RNF213: variants seen among roughly 807,000 people sequenced by gnomAD.
RNF213 encodes the protein E3 ubiquitin-protein ligase RNF213.
RNF213 carries 341 observed loss-of-function variants against 514.4 expected under a neutral mutation model. The observed-to-expected ratio is 0.66, with a 90% CI of 0.61 to 0.73. RNF213 has a LOEUF of 0.73. RNF213 is among the 30% of genes least tolerant of loss of function. The probability of loss-of-function intolerance (pLI) is 0.00; values close to 1 mark genes in which losing one functional copy is unlikely to be tolerated. For missense variants in RNF213, 5,767 were observed against 6,615.6 expected, an observed-to-expected ratio of 0.87 and a Z score of 4.45; for synonymous variants, 2,655 against 2,658.2, an observed-to-expected ratio of 1.00 and a Z score of 0.04.
In RNF213 at chr17:80,345,679, G is replaced by A. The variant is rs1218482292; in HGVS notation, c.7344G>A (p.Leu2448=). The A allele has an allele frequency of 3.7e-6, 6 of 1,614,224 alleles. No homozygotes were observed. In the Admixed American group the frequency reaches 1.0e-4, roughly 27 times the overall value. ...GTACCAATGCTGACACCATAAAGCT[G>A]GTCAAGGTGCACGGAGGAACAACTG... ...RGGTNADTIK[L]VKVHGGTTAD... is the part of the protein sequence containing the mutation. The change falls in exon 29 of 68, where the codon CTG becomes CTA. Residue 2448 remains leucine, a synonymous_variant. Transcript: ENST00000582970. The surrounding 1 kb of genome is among the most constrained non-coding windows in gnomAD (Gnocchi z 6.0).
At chr17:80,283,468 C>T (rs995856231) in intron 3 of RNF213, among the ~76,000 whole-genome samples, 5 of 152,198 alleles carry the variant, frequency 3.3e-5, no homozygotes, top group Non-Finnish European at 5.9e-5. Context: ...TGCGTCTGCG[C>T]TTACTGCAGT....
chr17:80,383,097 T>C (rs751238748), intron 58 of RNF213, 27 bp downstream of exon 58: 28 of 1,546,556 alleles, frequency 1.8e-5, no homozygotes, highest in Non-Finnish European at 2.5e-5. Context: ...GACAGCTGGG[T>C]TGCTCCTCGG....
At chr17:80,342,386 G>A (rs911140424) in intron 26 of RNF213, among the ~76,000 whole-genome samples, 1 of 152,118 alleles carries the variant, frequency 6.6e-6, no homozygotes, top group African/African-American at 2.4e-5. Context: ...AGAGTGAGTA[G>A]GTAACGGCTG....
At chr17:80,367,498 G>A (rs958332651) in intron 42 of RNF213, among the ~76,000 whole-genome samples, 2 of 152,144 alleles carry the variant, frequency 1.3e-5, no homozygotes, top group African/African-American at 4.8e-5. Context: ...TAGTGAGAGC[G>A]GAGGAGACCT....
At chr17:80,367,615 C>G (rs2079328667) in intron 42 of RNF213, 133 bp from the exon 43 acceptor site, 2 of 694,456 alleles carry the variant, frequency 2.9e-6, no homozygotes, top group Non-Finnish European at 5.2e-6. Flanking sequence ...CACAGGATCA[C>G]AAAGGCCTCG....
intron 58 of RNF213, 75 bp from the exon 59 acceptor site, chr17:80,383,602 G>A: frequency 6.8e-7 from 1 of 1,466,538 alleles, no homozygotes; most frequent in Non-Finnish European, 9.5e-7. Flanking sequence ...CCCACTGGTG[G>A]AGTTACTGGG....
chr17:80,264,817 C>T lies in RNF213; in HGVS notation c.97+1039C>T, dbSNP rs1318990953. Among the ~76,000 whole-genome samples, 4 of 152,118 alleles carry T rather than the reference C, an allele frequency of 2.6e-5. No homozygotes were observed. Among genetic ancestry groups the T allele is most frequent in the Admixed American group, 2.6e-4 (4 of 15,264 alleles). Reference sequence around the variant, plus strand: ...ACGAGGTCCTACATAGACGGCTGCCCACCCCATTCCTCTTGGCTCCCTCTC... The same window carrying T: ...ACGAGGTCCTACATAGACGGCTGCCTACCCCATTCCTCTTGGCTCCCTCTC... On this transcript the variant is annotated intron_variant, in intron 2 of 67. Transcript: ENST00000582970. This position sits in a 1 kb window ranked among gnomAD's most constrained non-coding sequence, Gnocchi z 5.0.
intron 20 of RNF213, among the ~76,000 whole-genome samples, chr17:80,330,252 G>C (rs2046377038): frequency 6.6e-6 from 1 of 152,206 alleles, no homozygotes; most frequent in East Asian, 1.9e-4. Flanking sequence ...ATCATGTGCT[G>C]CTTCCTCCAG....
At chr17:80,289,340 A>G (rs984896935) in intron 5 of RNF213, among the ~76,000 whole-genome samples, 2 of 152,206 alleles carry the variant, frequency 1.3e-5, no homozygotes, top group Non-Finnish European at 2.9e-5. Flanking sequence ...CTATAATCCC[A>G]GCACTTTGGG....
chr17:80,390,263 A>G (rs1385690952), intron 67 of RNF213, 67 bp downstream of exon 67: 4 of 1,508,816 alleles, frequency 2.7e-6, no homozygotes, highest in Non-Finnish European at 3.7e-6. Context: ...GTGATCTTCT[A>G]TAGACACAAA....
intron 19 of RNF213, 130 bp from the exon 20 acceptor site, chr17:80,328,198 G>T: frequency 8.3e-7 from 1 of 1,198,704 alleles, no homozygotes; most frequent in Non-Finnish European, 1.1e-6. Context: ...TCTCGAAAAA[G>T]TGGGTATGCG....
rs1215052194 is a variant in RNF213, at chr17:80,397,786, T to C, written c.*4288T>C. The stretch of plus-strand genomic sequence containing the variant: ...TCTGCAGCTTGTCCTGCTACATTTC[T>C]TGGTTCCCTGACCAGGAATCTAGGT... On this transcript the variant is annotated 3_prime_UTR_variant, in exon 68 of 68. Coordinates refer to ENST00000582970, the MANE Select transcript of RNF213 (RefSeq NM_001256071.3). The C allele has an allele frequency of 6.6e-6, 1 of 151,162 alleles. No homozygotes were observed. The highest frequency in any genetic ancestry group is 2.4e-5 in the African/African-American group (1 of 41,122). 9.4% of individuals were successfully genotyped at this position (151,162 alleles called of 1,614,324 possible).
In RNF213 at chr17:80,345,713, A is replaced by G; in HGVS notation, c.7378A>G (p.Ile2460Val). The G allele has an allele frequency of 6.2e-7, 1 of 1,614,246 alleles. No homozygotes were observed. Among genetic ancestry groups the G allele is most frequent in the South Asian group, 1.1e-5 (1 of 91,086 alleles). Residue 2460 changes from isoleucine (I) to valine (V), a missense_variant, in exon 29 of 68, where the codon ATC becomes GTC. This residue lies in a region of RNF213 where 1,377 missense variants were observed against 1,635.2 expected (regional missense o/e 0.84). Coordinates refer to ENST00000582970, the MANE Select transcript of RNF213 (RefSeq NM_001256071.3). The surrounding 1 kb of genome is among the most constrained non-coding windows in gnomAD (Gnocchi z 6.0). ...KVHGGTTADM[I>V]YSRVREAENV... ...GCACGGAGGAACAACTGCAGACATG[A>G]TCTACTCCAGAGTCAGGGAGGCTGA... is the stretch of plus-strand genomic sequence containing the variant.
At position 80,374,596 on chromosome 17, in the gene RNF213, T is replaced by TG; in HGVS notation, c.13074+10dup. On this transcript the variant is annotated splice_region_variant and intron_variant, in intron 50 of 67. Transcript: ENST00000582970. ...CATTAAGACTGCTCTGAAGGTAGGATGGGCCCGTGGCTTCTCTCTGATACC... is the reference window on the plus strand; with the variant it reads ...CATTAAGACTGCTCTGAAGGTAGGATGGGGCCCGTGGCTTCTCTCTGATACC... 1 of 1,614,068 alleles carries TG rather than the reference T, an allele frequency of 6.2e-7. No individual in the cohort carries two copies. The highest frequency in any genetic ancestry group is 8.5e-7 in the Non-Finnish European group (1 of 1,179,964).
chr17:80,373,624 T>A (rs990456210), intron 49 of RNF213, among the ~76,000 whole-genome samples: 4 of 152,136 alleles, frequency 2.6e-5, no homozygotes, highest in African/African-American at 9.7e-5. Flanking sequence ...TAGTTCAGCT[T>A]GCAAGGTGCG....
rs1425008837 is a variant in RNF213, at chr17:80,345,896, A to C, written c.7561A>C (p.Ile2521Leu). The change falls in exon 29 of 68, where the codon ATA becomes CTA. Residue 2521 changes from isoleucine to leucine, a missense_variant. Ile to Leu is a conservative substitution (Grantham distance 5). Coordinates refer to ENST00000582970, the MANE Select transcript of RNF213 (RefSeq NM_001256071.3). The surrounding 1 kb of genome is among the most constrained non-coding windows in gnomAD (Gnocchi z 6.0). ...GGCTGAGGACTCTGGCCTGCATATT[A>C]TAGCTGCCTGCAATCCATACCGGAA... ...PLAEDSGLHI[I>L]AACNPYRKHS... 6.2e-7 allele frequency: 1 copy of C among 1,614,222 alleles called. No individual in the cohort carries two copies.
At chr17:80,355,516 G>A (rs1464034984) in intron 36 of RNF213, among the ~76,000 whole-genome samples, 2 of 96,608 alleles carry the variant, frequency 2.1e-5, no homozygotes, top group East Asian at 2.7e-4. Context: ...CGGGAATGGG[G>A]GCTTACAGGG....
At chr17:80,373,224 AACCCACACACCCCCCT>A (rs1218634625) in intron 49 of RNF213, 59 bp downstream of exon 49, 4 of 1,438,930 alleles carry the variant, frequency 2.8e-6, no homozygotes, top group Non-Finnish European at 3.8e-6. Flanking sequence ...ATACACCCCA[AACCCACACACCCCCCT>A]ACCCTCACAC....
chr17:80,267,271 T>C (rs1351174222), intron 2 of RNF213, among the ~76,000 whole-genome samples: 2 of 148,764 alleles, frequency 1.3e-5, no homozygotes, highest in South Asian at 2.1e-4. Flanking sequence ...TGAAAACCCA[T>C]GTCTACTAAA....
Sources: allele counts gnomAD v4.1 joint callset (sites outside exome capture counted in the v4.1 genomes callset), GRCh38; gene constraint gnomAD v4.1.1; regional missense constraint gnomAD v4.1.1; non-coding constraint Gnocchi (gnomAD v3.1); transcripts MANE v1.5; gene names NCBI Gene and HGNC (gene_info 2026-07-23, HGNC 2026-07-21).